COL4A5: variants seen among roughly 807,000 people sequenced by gnomAD.
COL4A5 encodes the protein collagen type IV alpha 5 chain, also known as collagen alpha-5(IV) chain.
COL4A5 carries 26 observed loss-of-function variants against 130.2 expected under a neutral mutation model. The ratio of observed to expected loss-of-function variants is 0.20; its 90% CI spans 0.15 to 0.28. The LOEUF (loss-of-function observed/expected upper bound fraction) is 0.28, where lower values mean the gene tolerates loss of function less well. Among genes scored for constraint, COL4A5 ranks in the 10% least tolerant of loss-of-function variants. The pLI, the probability that COL4A5 is intolerant of heterozygous loss-of-function variation, is 1.00. For missense variants in COL4A5, 1,131 were observed against 1,344.3 expected (o/e 0.84, Z 2.48); for synonymous variants, 496 against 439.6 (o/e 1.13, Z -1.60).
intron 42 of COL4A5, 117 bp downstream of exon 42, chrX:108,670,353 A>C (rs959850422): frequency 8.9e-7 from 1 of 1,127,198 alleles, no homozygotes; most frequent in African/African-American, 1.8e-5. Context: ...TTCAATTCTT[A>C]CATAGTGGCT....
chrX:108,641,493 A>G (rs1400582854), intron 36 of COL4A5, among the ~76,000 whole-genome samples: 1 of 111,964 alleles, frequency 8.9e-6, no homozygotes, highest in African/African-American at 3.2e-5. Context: ...AGTAATCACA[A>G]GAGGATGCAC....
intron 36 of COL4A5, chrX:108,626,557 C>G: frequency 6.2e-6 from 7 of 1,134,814 alleles, no homozygotes; most frequent in Non-Finnish European, 8.1e-6. Context: ...GGAAAACTTT[C>G]TGGTTTCTTT....
intron 37 of COL4A5, among the ~76,000 whole-genome samples, chrX:108,664,691 A>C (rs918351095): frequency 8.9e-6 from 1 of 112,575 alleles, no homozygotes; most frequent in African/African-American, 3.2e-5. Flanking sequence ...GGATATGTAA[A>C]AAACTTCAAT....
At chrX:108,694,773 G>A in intron 50 of COL4A5, 34 bp from the exon 51 acceptor site, 1 of 1,083,616 alleles carries the variant, frequency 9.2e-7, no homozygotes. Context: ...TGCTCACTCT[G>A]TAGATTATGT....
chrX:108,612,645 A>T (rs984613168), intron 29 of COL4A5, among the ~76,000 whole-genome samples: 1 of 111,768 alleles, frequency 8.9e-6, no homozygotes, highest in African/African-American at 3.2e-5. Flanking sequence ...TGTTGACAGA[A>T]ATCAGATACC....
At chrX:108,480,083 G>A (rs2064874026) in intron 1 of COL4A5, among the ~76,000 whole-genome samples, 1 of 111,779 alleles carries the variant, frequency 8.9e-6, no homozygotes, top group African/African-American at 3.3e-5. Context: ...GCCTGGACCT[G>A]TTGCAGAGCC....
At chrX:108,633,766 A>T (rs1421384991) in intron 36 of COL4A5, among the ~76,000 whole-genome samples, 1 of 111,892 alleles carries the variant, frequency 8.9e-6, no homozygotes, top group Non-Finnish European at 1.9e-5. Flanking sequence ...AACAAAGATG[A>T]TATTGTGGAA....
intron 2 of COL4A5, among the ~76,000 whole-genome samples, chrX:108,551,567 T>C (rs938755328): frequency 6.2e-5 from 7 of 112,342 alleles, no homozygotes; most frequent in Non-Finnish European, 1.3e-4. Context: ...TTACACATTG[T>C]TGGTGTAAAT....
At chrX:108,485,864 C>G (rs2064939442) in intron 1 of COL4A5, among the ~76,000 whole-genome samples, 2 of 110,893 alleles carry the variant, frequency 1.8e-5, no homozygotes, top group Admixed American at 1.9e-4. Flanking sequence ...TCCACTGTCT[C>G]CAAGCCCAGC....
At chrX:108,684,942 G>T (rs1298653509) in intron 47 of COL4A5, among the ~76,000 whole-genome samples, 2 of 112,284 alleles carry the variant, frequency 1.8e-5, no homozygotes, top group African/African-American at 6.5e-5. Context: ...TGCAAAGCTG[G>T]TTCAACATAC....
At chrX:108,500,670 G>GA (rs904648523) in intron 1 of COL4A5, among the ~76,000 whole-genome samples, 10 of 111,822 alleles carry the variant, frequency 8.9e-5, no homozygotes, top group African/African-American at 2.6e-4. Context: ...AGAAATACTG[G>GA]AAAAAAATGC....
At chrX:108,500,412 A>G (rs760724634) in intron 1 of COL4A5, among the ~76,000 whole-genome samples, 8 of 111,970 alleles carry the variant, frequency 7.1e-5, no homozygotes, top group Non-Finnish European at 1.3e-4. Context: ...AGCAAAATGC[A>G]TTTTCCCTTT....
At chrX:108,520,956 G>T (rs2065259363) in intron 1 of COL4A5, among the ~76,000 whole-genome samples, 2 of 111,370 alleles carry the variant, frequency 1.8e-5, no homozygotes, top group African/African-American at 3.3e-5. Context: ...GCTTTCCAGG[G>T]TATCTATGTG....
At chrX:108,440,379 C>T in intron 1 of COL4A5, 173 bp downstream of exon 1, 1 of 453,654 alleles carries the variant, frequency 2.2e-6, no homozygotes, top group East Asian at 3.7e-5. Context: ...CTCAAGCCTT[C>T]TGAAGTCCAA....
intron 4 of COL4A5, among the ~76,000 whole-genome samples, chrX:108,567,807 G>A (rs2065997095): frequency 9.0e-6 from 1 of 111,229 alleles, no homozygotes. Flanking sequence ...ACAGTATGGG[G>A]GAAACCACCC....
intron 36 of COL4A5, among the ~76,000 whole-genome samples, chrX:108,643,526 A>G (rs1384946108): frequency 3.6e-5 from 4 of 111,638 alleles, no homozygotes; most frequent in African/African-American, 6.5e-5. Flanking sequence ...CTCAGCAGAA[A>G]CCCTACAAGC....
intron 36 of COL4A5, among the ~76,000 whole-genome samples, chrX:108,635,379 G>C (rs1236830045): frequency 8.9e-6 from 1 of 111,779 alleles, no homozygotes; most frequent in African/African-American, 3.2e-5. Context: ...GAAAGGGCTG[G>C]AGTAGAGGGT....
At chrX:108,593,664 A>G (rs1433682710) in intron 21 of COL4A5, among the ~76,000 whole-genome samples, 1 of 111,674 alleles carries the variant, frequency 9.0e-6, no homozygotes, top group Non-Finnish European at 1.9e-5. Context: ...ATAGAACAAA[A>G]GATCATCAAT....
chrX:108,692,988 G>A, intron 50 of COL4A5, 63 bp downstream of exon 50: 1 of 1,129,523 alleles, frequency 8.9e-7, no homozygotes, highest in Middle Eastern at 3.3e-4. Flanking sequence ...TCAGATTTGA[G>A]TCCAAAGCTA....
Sources: allele counts gnomAD v4.1 joint callset (sites outside exome capture counted in the v4.1 genomes callset), GRCh38; gene constraint gnomAD v4.1.1; transcripts MANE v1.5; gene names NCBI Gene and HGNC (gene_info 2026-07-23, HGNC 2026-07-21).